Variants in BBS4 observed in about 807,000 individuals in gnomAD.
The protein encoded by BBS4 is BBSome complex member BBS4.
Under a neutral mutation model 71.4 loss-of-function variants are expected in BBS4, and 58 were observed. The observed-to-expected ratio is 0.81, with a 90% CI of 0.66 to 1.01. The LOEUF is 1.01. BBS4 is among the 50% of genes least tolerant of loss of function. The probability of loss-of-function intolerance (pLI) is 0.00; values close to 1 mark genes in which losing one functional copy is unlikely to be tolerated. For synonymous variants in BBS4, 228 were observed against 216.8 expected, an observed-to-expected ratio of 1.05 and a Z score of -0.46; for missense variants, 660 against 607.9, an observed-to-expected ratio of 1.09 and a Z score of -0.90.
intron 1 of BBS4, among the ~76,000 whole-genome samples, chr15:72,689,166 G>A (rs956306821): frequency 5.9e-5 from 9 of 152,128 alleles, no homozygotes; most frequent in African/African-American, 1.9e-4. Context: ...ATATAGATCC[G>A]TAGATAAGGA....
rs1025331977 is a variant in BBS4, at chr15:72,727,841, T to G, written c.588-99T>G. ...TTTCCACGGGGAGGAAGAGGCTCAGTGGGGTCTGTCAAGTATTGCACGAGG... is the reference window on the plus strand; with the variant it reads ...TTTCCACGGGGAGGAAGAGGCTCAGGGGGGTCTGTCAAGTATTGCACGAGG... On this transcript the variant is annotated intron_variant, in intron 8 of 15. Coordinates refer to ENST00000268057, the MANE Select transcript of BBS4 (RefSeq NM_033028.5). 26 of 909,632 alleles carry G rather than the reference T, an allele frequency of 2.9e-5. No homozygotes were observed. The African/African-American group carries it at 3.9e-4, about 14-fold the overall frequency. The allele number at this position is 909,632 out of a possible 1,614,324, so 56.3% of individuals were successfully genotyped here. A position where few individuals can be genotyped will look rare whatever the true frequency, so the allele number is the denominator to read the frequency against.
chr15:72,705,738 T>C (rs1210502806), intron 2 of BBS4, among the ~76,000 whole-genome samples: 1 of 151,660 alleles, frequency 6.6e-6, no homozygotes, highest in Admixed American at 6.6e-5. Flanking sequence ...ACTACAGGCT[T>C]GTGCCTCCAC....
chr15:72,732,418 A>G (rs2065842843), intron 12 of BBS4, among the ~76,000 whole-genome samples: 1 of 152,314 alleles, frequency 6.6e-6, no homozygotes, highest in Admixed American at 6.5e-5. Flanking sequence ...ATTATGCACA[A>G]CCATTTTAAA....
intron 12 of BBS4, among the ~76,000 whole-genome samples, chr15:72,732,502 T>A (rs1322220189): frequency 6.6e-6 from 1 of 152,226 alleles, no homozygotes; most frequent in Non-Finnish European, 1.5e-5. Flanking sequence ...CAAAGCAGAT[T>A]TCCATGTCCT....
In BBS4 at chr15:72,737,857, T is replaced by TA. The variant is rs1200601292; in HGVS notation, c.*271dup. ...TGGCAGCAAGGCTTGAGGCCTTATG[T>TA]ATGTAGCTGAGTCAGCAAGGTACAT... On this transcript the variant is annotated 3_prime_UTR_variant, in exon 16 of 16. Transcript: ENST00000268057. 1 of 490,864 alleles carries TA rather than the reference T, an allele frequency of 2.0e-6. No individual in the cohort carries two copies. The highest frequency in any genetic ancestry group is 2.3e-5 in the Admixed American group (1 of 43,578). 30.4% of individuals were successfully genotyped at this position (490,864 alleles called of 1,614,324 possible). A position where few individuals can be genotyped will look rare whatever the true frequency, so the allele number is the denominator to read the frequency against.
chr15:72,709,077 G>T (rs1393433136), intron 2 of BBS4, among the ~76,000 whole-genome samples: 4 of 152,140 alleles, frequency 2.6e-5, no homozygotes, highest in Admixed American at 6.5e-5. Context: ...TGTGATCTTT[G>T]TTCTCCTTTT....
At chr15:72,701,732 G>C (rs944432847) in intron 2 of BBS4, among the ~76,000 whole-genome samples, 21 of 152,068 alleles carry the variant, frequency 1.4e-4, no homozygotes, top group African/African-American at 4.6e-4. Context: ...CTGTAAGTAT[G>C]TATTTTTAAG....
chr15:72,729,197 G>T (rs545674539), intron 9 of BBS4, among the ~76,000 whole-genome samples: 1 of 96,332 alleles, frequency 1.0e-5, no homozygotes, highest in Non-Finnish European at 2.0e-5. Context: ...AAAGTCAAGA[G>T]AACTCAAAAA....
chr15:72,699,806 A>T (rs186932708), intron 2 of BBS4, among the ~76,000 whole-genome samples: 1 of 152,190 alleles, frequency 6.6e-6, no homozygotes, highest in Admixed American at 6.6e-5. Flanking sequence ...CCGTGTTGTT[A>T]TATGTATCAG....
chr15:72,721,557 T>C (rs2065577498), intron 6 of BBS4, among the ~76,000 whole-genome samples: 1 of 152,196 alleles, frequency 6.6e-6, no homozygotes, highest in African/African-American at 2.4e-5. Context: ...ATCTGTAAAA[T>C]TGGAAAGATT....
intron 2 of BBS4, chr15:72,697,860 C>T: frequency 2.5e-6 from 1 of 399,930 alleles, no homozygotes; most frequent in South Asian, 1.8e-5. Flanking sequence ...TATTTTTGTC[C>T]AAATATATCA....
At chr15:72,695,541 C>G (rs2065062319) in intron 2 of BBS4, among the ~76,000 whole-genome samples, 1 of 152,184 alleles carries the variant, frequency 6.6e-6, no homozygotes, top group Admixed American at 6.5e-5. Context: ...CCCACCTTGG[C>G]CTCCCAAAGT....
chr15:72,699,898 A>G (rs1248846838), intron 2 of BBS4, among the ~76,000 whole-genome samples: 2 of 152,150 alleles, frequency 1.3e-5, no homozygotes, highest in African/African-American at 2.4e-5. Flanking sequence ...GTTAATGAGT[A>G]TTTGCAATGT....
chr15:72,729,221 C>T (rs1197524960), intron 9 of BBS4, among the ~76,000 whole-genome samples: 13 of 54,976 alleles, frequency 2.4e-4, no homozygotes, highest in Non-Finnish European at 3.3e-4. Flanking sequence ...CAGAGCATTT[C>T]TGTTCTGGGT....
intron 2 of BBS4, among the ~76,000 whole-genome samples, chr15:72,704,920 C>CA (rs143860246): frequency 6.6e-5 from 10 of 151,626 alleles, no homozygotes; most frequent in East Asian, 3.9e-4. Context: ...AAACAAAATG[C>CA]AAAAAAACAG....
At position 72,709,608 on chromosome 15, in the gene BBS4, AG is replaced by A. The variant is rs1245477892; in HGVS notation, c.77-91del. On this transcript the variant is annotated intron_variant, in intron 2 of 15. Transcript: ENST00000268057. ...CATCAAAATTTTAATGTGATATTGC[AG>A]TATGTTTATGGTTAGTTTAGACATG... 4.7e-5 allele frequency: 42 copies of A among 888,102 alleles called. No individual in the cohort carries two copies. The Admixed American group carries it at 7.2e-4, about 15-fold the overall frequency. 55.0% of individuals were successfully genotyped at this position (888,102 alleles called of 1,614,324 possible). A position where few individuals can be genotyped will look rare whatever the true frequency, so the allele number is the denominator to read the frequency against.
intron 6 of BBS4, among the ~76,000 whole-genome samples, chr15:72,720,326 A>T (rs1464491538): frequency 6.6e-6 from 1 of 151,768 alleles, no homozygotes; most frequent in Non-Finnish European, 1.5e-5. Context: ...TCTAGGAAAA[A>T]AAAATAAAAA....
At chr15:72,733,638 GGTGTACATTTACATT>G (rs2065869202) in intron 12 of BBS4, among the ~76,000 whole-genome samples, 1 of 152,184 alleles carries the variant, frequency 6.6e-6, no homozygotes, top group African/African-American at 2.4e-5. Context: ...CGTATTCCAT[GGTGTACATTTACATT>G]TTGTTTATCC....
chr15:72,721,669 G>T (rs1314079782), intron 6 of BBS4, among the ~76,000 whole-genome samples: 1 of 152,134 alleles, frequency 6.6e-6, no homozygotes, highest in Non-Finnish European at 1.5e-5. Context: ...TTGCTGTTTT[G>T]TTGTTTTTAC....
Sources: allele counts gnomAD v4.1 joint callset (sites outside exome capture counted in the v4.1 genomes callset), GRCh38; gene constraint gnomAD v4.1.1; transcripts MANE v1.5; gene names NCBI Gene and HGNC (gene_info 2026-07-23, HGNC 2026-07-21).